DLG2: variants seen among roughly 807,000 people sequenced by gnomAD.
The protein encoded by DLG2 is discs large MAGUK scaffold protein 2.
In DLG2, 45 loss-of-function variants were observed where a neutral mutation model predicts 132.5. The ratio of observed to expected loss-of-function variants is 0.34; its 90% confidence interval spans 0.27 to 0.44. The LOEUF (loss-of-function observed/expected upper bound fraction) is 0.44, where lower values mean the gene tolerates loss of function less well. Ranked by LOEUF, DLG2 falls within the 20% of genes least tolerant of loss-of-function variation. The pLI, the probability that DLG2 is intolerant of heterozygous loss-of-function variation, is 1.00. For missense variants in DLG2, 1,045 were observed against 1,196.9 expected, an observed-to-expected ratio of 0.87 and a Z score of 1.87; for synonymous variants, 424 against 419.6, an observed-to-expected ratio of 1.01 and a Z score of -0.13.
At chr11:83,482,197 AC>A (rs1397883751) in intron 22 of DLG2, among the ~76,000 whole-genome samples, 2 of 152,110 alleles carry the variant, frequency 1.3e-5, no homozygotes, top group Admixed American at 1.3e-4. Flanking sequence ...CTCCAAATGA[AC>A]AATTTGAATT....
At chr11:84,406,024 C>T (rs1461832273) in intron 7 of DLG2, among the ~76,000 whole-genome samples, 1 of 152,226 alleles carries the variant, frequency 6.6e-6, no homozygotes, top group East Asian at 1.9e-4. Flanking sequence ...TTGTTATTCA[C>T]TCTATACTCC....
intron 19 of DLG2, among the ~76,000 whole-genome samples, chr11:83,602,612 A>G (rs953557924): frequency 6.6e-6 from 1 of 152,238 alleles, no homozygotes; most frequent in Non-Finnish European, 1.5e-5. Context: ...TCTGAATTTC[A>G]GAGCAGCTCC....
intron 7 of DLG2, among the ~76,000 whole-genome samples, chr11:84,323,227 C>T (rs2098414400): frequency 6.6e-6 from 1 of 152,088 alleles, no homozygotes; most frequent in Non-Finnish European, 1.5e-5. Context: ...CCCTAACAAC[C>T]ACCATTCCAC....
At chr11:83,806,722 GCTTGATGAAT>G (rs1403586953) in intron 17 of DLG2, among the ~76,000 whole-genome samples, 2 of 152,094 alleles carry the variant, frequency 1.3e-5, no homozygotes, top group Non-Finnish European at 2.9e-5. Flanking sequence ...AGCTTTACGT[GCTTGATGAAT>G]CTCTTCCTCA....
chr11:85,349,868 A>G, intron 3 of DLG2, among the ~76,000 whole-genome samples: 1 of 152,136 alleles, frequency 6.6e-6, no homozygotes, highest in East Asian at 1.9e-4. Context: ...GCTGCAGTAA[A>G]CATACGTGTG....
intron 8 of DLG2, among the ~76,000 whole-genome samples, chr11:84,197,930 G>A (rs115431251): frequency 4.3e-4 from 66 of 152,116 alleles, no homozygotes; most frequent in African/African-American, 1.4e-3. Context: ...TGGCTTCAGC[G>A]GCCCCACACC....
intron 14 of DLG2, among the ~76,000 whole-genome samples, chr11:83,948,643 G>A (rs939540030): frequency 2.0e-5 from 3 of 151,324 alleles, no homozygotes; most frequent in Non-Finnish European, 2.9e-5. Flanking sequence ...TACTTGAGTT[G>A]GTCTGATTCT....
intron 3 of DLG2, among the ~76,000 whole-genome samples, chr11:85,475,876 T>A (rs1431743548): frequency 1.3e-5 from 2 of 152,106 alleles, no homozygotes; most frequent in African/African-American, 4.8e-5. Context: ...CTACAACATA[T>A]GTTCTTTCTC....
chr11:83,907,399 A>C (rs1219444675), intron 15 of DLG2, among the ~76,000 whole-genome samples: 1 of 152,166 alleles, frequency 6.6e-6, no homozygotes, highest in African/African-American at 2.4e-5. Context: ...AGAATTGAGA[A>C]TACAAGATCA....
At chr11:84,402,618 C>A (rs1601507829) in intron 7 of DLG2, among the ~76,000 whole-genome samples, 1 of 151,914 alleles carries the variant, frequency 6.6e-6, no homozygotes, top group Non-Finnish European at 1.5e-5. Flanking sequence ...GGGGCTCACG[C>A]CTGTAATTTT....
At chr11:83,580,902 TCCCC>T (rs2096963375) in intron 19 of DLG2, among the ~76,000 whole-genome samples, 1 of 53,566 alleles carries the variant, frequency 1.9e-5, no homozygotes, top group African/African-American at 7.3e-5. Context: ...TCCCTTCCCC[TCCCC>T]TCCCCTCCCC....
chr11:84,146,554 A>G (rs987256325), intron 9 of DLG2, among the ~76,000 whole-genome samples: 31 of 152,164 alleles, frequency 2.0e-4, no homozygotes, highest in Non-Finnish European at 5.9e-5. Context: ...AAAAATAATT[A>G]GAAAAATAAT....
intron 7 of DLG2, among the ~76,000 whole-genome samples, chr11:84,281,376 T>C (rs1343130104): frequency 6.6e-6 from 1 of 152,154 alleles, no homozygotes; most frequent in Non-Finnish European, 1.5e-5. Flanking sequence ...AAGAGATACT[T>C]ACAAATCATA....
intron 6 of DLG2, among the ~76,000 whole-genome samples, chr11:84,764,668 T>C (rs2068142877): frequency 6.6e-6 from 1 of 152,092 alleles, no homozygotes; most frequent in South Asian, 2.1e-4. Flanking sequence ...GAAGAGCATA[T>C]ATATGGTATA....
intron 4 of DLG2, among the ~76,000 whole-genome samples, chr11:85,205,850 T>G (rs1298626375): frequency 1.3e-5 from 2 of 152,208 alleles, no homozygotes; most frequent in African/African-American, 4.8e-5. Context: ...TAAGACTTAC[T>G]CAAGATCCAA....
intron 7 of DLG2, among the ~76,000 whole-genome samples, chr11:84,301,853 T>C (rs1422677528): frequency 1.3e-5 from 2 of 152,054 alleles, no homozygotes; most frequent in Non-Finnish European, 2.9e-5. Flanking sequence ...ACTGGGTATA[T>C]ACCCAAAGGA....
At chr11:83,838,941 G>A (rs1171956732) in intron 16 of DLG2, among the ~76,000 whole-genome samples, 1 of 152,176 alleles carries the variant, frequency 6.6e-6, no homozygotes, top group Middle Eastern at 3.2e-3. Flanking sequence ...AGATTCCTAT[G>A]GAAGTAAAGA....
At chr11:84,209,357 A>G (rs1006657301) in intron 8 of DLG2, among the ~76,000 whole-genome samples, 1 of 152,224 alleles carries the variant, frequency 6.6e-6, no homozygotes, top group Non-Finnish European at 1.5e-5. Context: ...GAGGACTTAG[A>G]GTAACATGAC....
chr11:85,577,536 T>C (rs1161293203), intron 3 of DLG2, among the ~76,000 whole-genome samples: 2 of 152,070 alleles, frequency 1.3e-5, no homozygotes, highest in Admixed American at 1.3e-4. Flanking sequence ...GTTTTGGCCA[T>C]GATAAGTTTC....
Sources: gnomAD v4.1 joint callset for allele counts (sites outside exome capture counted in the v4.1 genomes callset) on GRCh38, gnomAD v4.1.1 for gene constraint, MANE v1.5 for transcripts, NCBI Gene and HGNC (gene_info 2026-07-23, HGNC 2026-07-21) for gene names.